ANKRD18A: variants seen among roughly 807,000 people sequenced by gnomAD.
The protein encoded by ANKRD18A is ankyrin repeat domain-containing protein 18A.
ANKRD18A carries 72 observed loss-of-function variants against 110.6 expected under a neutral mutation model. The observed-to-expected ratio is 0.65, with a 90% CI of 0.54 to 0.79. ANKRD18A has a LOEUF of 0.79. ANKRD18A is among the 30% of genes least tolerant of loss of function. ANKRD18A has a pLI of 0.00. For synonymous variants in ANKRD18A, 305 were observed against 410.3 expected (o/e 0.74, Z 3.10); for missense variants, 934 against 1,163.3 (o/e 0.80, Z 2.87).
rs1824788467 is a variant in ANKRD18A, at chr9:38,594,439, A to G, written c.1855-530T>C. On this transcript the variant is annotated intron_variant, in intron 9 of 15. Transcript: ENST00000399703. Reference sequence around the variant, plus strand: ...TTTGTACTGGAAAGAATTATATCCAAATGATAGTCATTGAGACTTAAAATG... The same window carrying G: ...TTTGTACTGGAAAGAATTATATCCAGATGATAGTCATTGAGACTTAAAATG... 3.3e-5 allele frequency among the ~76,000 whole-genome samples: 5 copies of G among 152,296 alleles called. No individual in the cohort carries two copies. In the South Asian group the frequency reaches 1.0e-3, roughly 32 times the overall value.
chr9:38,577,840 T>C, intron 13 of ANKRD18A, 27 bp downstream of exon 13: 1 of 1,564,860 alleles, frequency 6.4e-7, no homozygotes. Flanking sequence ...CCATTACAGA[T>C]AAACTTACCT....
chr9:38,614,457 T>C (rs1370423934), intron 3 of ANKRD18A, among the ~76,000 whole-genome samples: 1 of 151,958 alleles, frequency 6.6e-6, no homozygotes, highest in African/African-American at 2.4e-5. Flanking sequence ...TTCAAGAAAA[T>C]ATTTTTAACC....
chr9:38,595,985 A>G lies in ANKRD18A; in HGVS notation c.1355T>C (p.Val452Ala). ...AGAACCCATTTTTTCATGTCTAGAAACATCATCTGCTCTCCATAAAACTAG... is the reference window on the plus strand; with the variant it reads ...AGAACCCATTTTTTCATGTCTAGAAGCATCATCTGCTCTCCATAAAACTAG... ...LELVLWRADD[V>A]SRHEKMGSNI... Residue 452 changes from valine to alanine, a missense_variant, in exon 9 of 16, where the codon GTT (valine) becomes GCT (alanine). Around this residue, in one of 4 missense-constraint regions of ANKRD18A, gnomAD observed 630 missense variants for 797.5 expected, o/e 0.79. Coordinates refer to ENST00000399703, the MANE Select transcript of ANKRD18A (RefSeq NM_147195.4). 3 of 1,550,150 alleles carry G rather than the reference A, an allele frequency of 1.9e-6. No individual in the cohort carries two copies. The highest frequency in any genetic ancestry group is 8.7e-7 in the Non-Finnish European group (1 of 1,146,288).
chr9:38,594,463 T>A (rs1824790182), intron 9 of ANKRD18A, among the ~76,000 whole-genome samples: 1 of 152,210 alleles, frequency 6.6e-6, no homozygotes, highest in Non-Finnish European at 1.5e-5. Flanking sequence ...AGACTTAAAA[T>A]GTAAATTATG....
chr9:38,601,457 T>C (rs1037354913), intron 7 of ANKRD18A, among the ~76,000 whole-genome samples: 1 of 151,946 alleles, frequency 6.6e-6, no homozygotes, highest in Non-Finnish European at 1.5e-5. Context: ...TTCCACCCAA[T>C]ATAAAAAAAC....
rs1419163868 is a variant in ANKRD18A at position 38,571,742 on chromosome 9, C to T, written c.*303G>A. The T allele has an allele frequency of 4.7e-6, 5 of 1,068,692 alleles. No individual in the cohort carries two copies. The Admixed American group carries it at 1.6e-4, about 35-fold the overall frequency. 66.2% of individuals were successfully genotyped at this position (1,068,692 alleles called of 1,614,324 possible). On this transcript the variant is annotated 3_prime_UTR_variant, in exon 16 of 16. Transcript: ENST00000399703. Reference sequence around the variant, plus strand: ...TGACATTCAGGCAATTTGAGTAGGCCAAACTCAATAACGCTGGTGTTCATT... The same window carrying T: ...TGACATTCAGGCAATTTGAGTAGGCTAAACTCAATAACGCTGGTGTTCATT...
chr9:38,616,277 G>A (rs1825852485), intron 1 of ANKRD18A, among the ~76,000 whole-genome samples: 1 of 152,212 alleles, frequency 6.6e-6, no homozygotes, highest in Non-Finnish European at 1.5e-5. Context: ...TAGGGCTTGA[G>A]TTCTACTTTG....
chr9:38,606,966 TCTAAA>T (rs963446239), intron 6 of ANKRD18A, among the ~76,000 whole-genome samples: 53 of 152,168 alleles, frequency 3.5e-4, no homozygotes, highest in Non-Finnish European at 4.3e-4. Flanking sequence ...AACTCTGAAT[TCTAAA>T]CTAAAGAAAT....
Position 38,586,113 on chromosome 9 carries a change from T to C in ANKRD18A, c.2247+70A>G, listed in dbSNP as rs1587498571. On this transcript the variant is annotated intron_variant, in intron 12 of 15. Transcript: ENST00000399703. ...AACCATCATGGCACACATTTACCTA[T>C]GTAACAAACCTGTACCTCTTACACA... 11 of 1,390,550 alleles carry C rather than the reference T, an allele frequency of 7.9e-6. No individual in the cohort carries two copies. The East Asian group carries it at 2.5e-4, about 32-fold the overall frequency. 86.1% of individuals were successfully genotyped at this position (1,390,550 alleles called of 1,614,324 possible).
chr9:38,614,000 C>T (rs376773989), intron 3 of ANKRD18A, among the ~76,000 whole-genome samples: 165 of 152,152 alleles, frequency 1.1e-3, no homozygotes, highest in Non-Finnish European at 1.6e-3. Flanking sequence ...GTAAGCTGAG[C>T]GATATTGCCA....
At chr9:38,574,696 G>C (rs1455589133) in intron 15 of ANKRD18A, among the ~76,000 whole-genome samples, 1 of 152,108 alleles carries the variant, frequency 6.6e-6, no homozygotes, top group Non-Finnish European at 1.5e-5. Flanking sequence ...GCACTTATTT[G>C]GGGTTCTATT....
chr9:38,618,935 T>C (rs1825965979), intron 1 of ANKRD18A, among the ~76,000 whole-genome samples: 1 of 149,546 alleles, frequency 6.7e-6, no homozygotes, highest in African/African-American at 2.4e-5. Flanking sequence ...CAGTAATATG[T>C]ATTATATATA....
chr9:38,606,456 G>A (rs1357807959), intron 6 of ANKRD18A, among the ~76,000 whole-genome samples: 1 of 152,196 alleles, frequency 6.6e-6, no homozygotes, highest in African/African-American at 2.4e-5. Flanking sequence ...TTTATGAACA[G>A]TAAGTATATT....
chr9:38,570,743 G>A (rs1187351912), downstream of ANKRD18A, among the ~76,000 whole-genome samples: 1 of 152,224 alleles, frequency 6.6e-6, no homozygotes, highest in Admixed American at 6.5e-5. Context: ...GTCAGGCCTG[G>A]GGGGTTTTCT....
At chr9:38,592,168 A>G (rs1824678999) in intron 10 of ANKRD18A, among the ~76,000 whole-genome samples, 2 of 152,242 alleles carry the variant, frequency 1.3e-5, no homozygotes, top group South Asian at 4.1e-4. Flanking sequence ...ATTGCTAAAA[A>G]TACACTTAGA....
chr9:38,608,023 C>T lies in ANKRD18A; in HGVS notation c.741-530G>A, dbSNP rs1311868735. 9.2e-5 allele frequency among the ~76,000 whole-genome samples: 14 copies of T among 152,154 alleles called. No homozygotes were observed. In the East Asian group the frequency reaches 2.7e-3, roughly 29 times the overall value. On this transcript the variant is annotated intron_variant, in intron 5 of 15. Coordinates refer to ENST00000399703, the MANE Select transcript of ANKRD18A (RefSeq NM_147195.4). Reference sequence around the variant, plus strand: ...GTGTTTTTCCATAGTTTCTAATATTCGAATGTCACAGTTTTCAGAGAATGT... The same window carrying T: ...GTGTTTTTCCATAGTTTCTAATATTTGAATGTCACAGTTTTCAGAGAATGT...
chr9:38,574,189 A>C (rs1823780190), intron 15 of ANKRD18A, among the ~76,000 whole-genome samples: 1 of 152,178 alleles, frequency 6.6e-6, no homozygotes, highest in Non-Finnish European at 1.5e-5. Context: ...TTTCCTTAGG[A>C]TAGTGGATTC....
intron 11 of ANKRD18A, among the ~76,000 whole-genome samples, chr9:38,586,716 C>A (rs1824398353): frequency 6.6e-6 from 1 of 152,100 alleles, no homozygotes; most frequent in Admixed American, 6.6e-5. Context: ...CGGGCATGTG[C>A]CACCATGCCT....
intron 12 of ANKRD18A, among the ~76,000 whole-genome samples, chr9:38,585,456 C>T (rs1169260419): frequency 6.6e-6 from 1 of 152,106 alleles, no homozygotes; most frequent in Admixed American, 6.6e-5. Flanking sequence ...ACAACTCTGT[C>T]TGCTGGAAAT....
Sources: allele counts gnomAD v4.1 joint callset (sites outside exome capture counted in the v4.1 genomes callset), GRCh38; gene constraint gnomAD v4.1.1; regional missense constraint gnomAD v4.1.1; transcripts MANE v1.5; gene names NCBI Gene and HGNC (gene_info 2026-07-23, HGNC 2026-07-21).